Variants in PRKG2 observed in about 807,000 individuals in gnomAD.
PRKG2 encodes cGMP-dependent protein kinase 2.
Under a neutral mutation model 97.2 loss-of-function variants are expected in PRKG2, and 33 were observed. The ratio of observed to expected loss-of-function variants is 0.34; its 90% CI spans 0.26 to 0.45. The LOEUF is 0.45. Ranked by LOEUF, PRKG2 falls within the 20% of genes least tolerant of loss-of-function variation. The pLI is 1.00. For missense variants in PRKG2, 638 were observed against 900.0 expected, an observed-to-expected ratio of 0.71 and a Z score of 3.73; for synonymous variants, 330 against 321.8, an observed-to-expected ratio of 1.03 and a Z score of -0.27.
intron 6 of PRKG2, 101 bp downstream of exon 6, chr4:81,167,060 A>G (rs1750048465): frequency 9.3e-6 from 8 of 863,338 alleles, no homozygotes; most frequent in Non-Finnish European, 1.2e-5. Flanking sequence ...GTCTCTGTAG[A>G]CTGGTGCTCT....
chr4:81,169,614 A>C, intron 5 of PRKG2, 49 bp downstream of exon 5: 1 of 1,308,510 alleles, frequency 7.6e-7, no homozygotes, highest in Non-Finnish European at 1.1e-6. Context: ...ATATATTCAC[A>C]ATATGGCGAC....
chr4:81,167,200 A>AGGTAAAT lies in PRKG2; in HGVS notation c.866_872dup (p.Glu292PhefsTer3), dbSNP rs1263741312. On this transcript the variant is annotated frameshift_variant, in exon 6 of 19. Coordinates refer to ENST00000264399, the MANE Select transcript of PRKG2 (RefSeq NM_006259.3). LOFTEE classifies it high-confidence loss of function. ...CAATGATCTTGGTTAATTTATCTTC[A>AGGTAAAT]GGTAAATTCTTCAGCAAGGATACAC... 2 of 1,592,326 alleles carry AGGTAAAT rather than the reference A, an allele frequency of 1.3e-6. No individual in the cohort carries two copies. The highest frequency in any genetic ancestry group is 2.7e-5 in the African/African-American group (2 of 73,644).
chr4:81,200,850 T>G lies in PRKG2; in HGVS notation c.461+3737A>C, dbSNP rs369647817. Among the ~76,000 whole-genome samples the G allele has an allele frequency of 2.9e-4, 44 of 152,344 alleles. No individual in the cohort carries two copies. In the South Asian group the frequency reaches 9.1e-3, roughly 32 times the overall value. On this transcript the variant is annotated intron_variant, in intron 2 of 18. Transcript: ENST00000264399. ...GAAATTTATAATACTTCAATAAAGCTGAGTGCCTGTTATAGAAACAGGCTA... is the reference window on the plus strand; with the variant it reads ...GAAATTTATAATACTTCAATAAAGCGGAGTGCCTGTTATAGAAACAGGCTA...
chr4:81,176,953 C>A (rs60111302), intron 2 of PRKG2, among the ~76,000 whole-genome samples: 19,566 of 152,048 alleles, frequency 0.13, 1,916 homozygotes, highest in East Asian at 0.46. Context: ...TCCAATCTAT[C>A]CATCTAGTAC....
At chr4:81,139,886 C>A (rs1747100945) in intron 12 of PRKG2, among the ~76,000 whole-genome samples, 1 of 151,974 alleles carries the variant, frequency 6.6e-6, no homozygotes, top group Non-Finnish European at 1.5e-5. Context: ...GTTGGAGAAT[C>A]CAGAGTGGGG....
At chr4:81,203,173 G>C (rs1191451523) in intron 2 of PRKG2, among the ~76,000 whole-genome samples, 1 of 151,922 alleles carries the variant, frequency 6.6e-6, no homozygotes, top group South Asian at 2.1e-4. Flanking sequence ...ATAAGTTTGT[G>C]CCATCTATAA....
At chr4:81,167,494 AT>A (rs750478492) in intron 5 of PRKG2, among the ~76,000 whole-genome samples, 3 of 152,094 alleles carry the variant, frequency 2.0e-5, no homozygotes, top group South Asian at 2.1e-4. Context: ...CATTTTGTCT[AT>A]TTGGTAAAAA....
intron 1 of PRKG2, among the ~76,000 whole-genome samples, chr4:81,206,421 T>C (rs1297321994): frequency 1.3e-5 from 2 of 152,164 alleles, no homozygotes; most frequent in Non-Finnish European, 2.9e-5. Flanking sequence ...TCTGATGGTT[T>C]TATAAAGGGG....
intron 14 of PRKG2, among the ~76,000 whole-genome samples, chr4:81,125,020 C>G (rs755046576): frequency 7.9e-5 from 12 of 152,102 alleles, no homozygotes; most frequent in Admixed American, 2.6e-4. Flanking sequence ...TATTCTCCAA[C>G]TCTTTTCATT....
At chr4:81,200,949 A>T (rs1753269386) in intron 2 of PRKG2, among the ~76,000 whole-genome samples, 1 of 152,144 alleles carries the variant, frequency 6.6e-6, no homozygotes, top group African/African-American at 2.4e-5. Flanking sequence ...CCCTACAAAG[A>T]GCTATGATAT....
intron 15 of PRKG2, among the ~76,000 whole-genome samples, chr4:81,106,369 G>A (rs1743340432): frequency 6.6e-6 from 1 of 152,146 alleles, no homozygotes; most frequent in Non-Finnish European, 1.5e-5. Context: ...GTCAGGAGTG[G>A]GCCTGGGAGG....
At chr4:81,161,274 A>G (rs1749572815) in intron 6 of PRKG2, among the ~76,000 whole-genome samples, 1 of 152,166 alleles carries the variant, frequency 6.6e-6, no homozygotes, top group Admixed American at 6.6e-5. Flanking sequence ...AGACAGGTCT[A>G]TATTCAAATC....
intron 3 of PRKG2, among the ~76,000 whole-genome samples, chr4:81,174,105 T>C (rs950091524): frequency 6.6e-6 from 1 of 152,076 alleles, no homozygotes; most frequent in Non-Finnish European, 1.5e-5. Flanking sequence ...CATTTGCCTA[T>C]CTAACCATTA....
chr4:81,169,145 G>A (rs1367294903), intron 5 of PRKG2, among the ~76,000 whole-genome samples: 3 of 151,966 alleles, frequency 2.0e-5, no homozygotes, highest in Non-Finnish European at 4.4e-5. Context: ...CCAAGTCCCT[G>A]TCATCATGAC....
At chr4:81,097,027 G>A (rs1353039100) in intron 17 of PRKG2, among the ~76,000 whole-genome samples, 1 of 152,142 alleles carries the variant, frequency 6.6e-6, no homozygotes, top group Non-Finnish European at 1.5e-5. Flanking sequence ...CACTATGGCA[G>A]CTATAGCCTT....
intron 11 of PRKG2, among the ~76,000 whole-genome samples, chr4:81,141,039 AG>A (rs1469897475): frequency 6.7e-6 from 1 of 149,282 alleles, no homozygotes; most frequent in Non-Finnish European, 1.5e-5. Context: ...ATTTTAAGAC[AG>A]GGTCTCACTC....
chr4:81,102,413 C>A (rs1422934173), intron 17 of PRKG2, among the ~76,000 whole-genome samples: 1 of 152,154 alleles, frequency 6.6e-6, no homozygotes, highest in African/African-American at 2.4e-5. Flanking sequence ...GGAAGAATGG[C>A]TTTAATTGAC....
intron 1 of PRKG2, 145 bp from the exon 2 acceptor site, chr4:81,205,205 AG>A: frequency 1.8e-5 from 10 of 558,654 alleles, no homozygotes; most frequent in African/African-American, 4.4e-5. Context: ...CGAAGTTTCC[AG>A]AAAAAAAAAA....
chr4:81,098,371 T>C (rs1742343777), intron 17 of PRKG2, among the ~76,000 whole-genome samples: 1 of 152,144 alleles, frequency 6.6e-6, no homozygotes, highest in Admixed American at 6.6e-5. Context: ...TATACCTCTA[T>C]AGAACCCTGA....
Sources: allele counts gnomAD v4.1 joint callset (sites outside exome capture counted in the v4.1 genomes callset), GRCh38; gene constraint gnomAD v4.1.1; transcripts MANE v1.5; gene names NCBI Gene and HGNC (gene_info 2026-07-23, HGNC 2026-07-21).